The following CNBD1 variants were observed in gnomAD, a reference collection of about 807,000 sequenced individuals.
The protein encoded by CNBD1 is cyclic nucleotide-binding domain-containing protein 1.
Under a neutral mutation model 54.4 loss-of-function variants are expected in CNBD1, and 71 were observed. That is an observed-to-expected ratio of 1.30 (90% confidence interval 1.08 to 1.59). CNBD1 has a LOEUF of 1.59. CNBD1 is among the 40% of genes most tolerant of loss of function. CNBD1 has a pLI of 0.00. For synonymous variants in CNBD1, 182 were observed against 170.7 expected, an observed-to-expected ratio of 1.07 and a Z score of -0.51; for missense variants, 659 against 518.0, an observed-to-expected ratio of 1.27 and a Z score of -2.64.
chr8:87,381,097 C>T (rs1470280394), intron 10 of CNBD1, among the ~76,000 whole-genome samples: 2 of 152,024 alleles, frequency 1.3e-5, no homozygotes, highest in Admixed American at 1.3e-4. Context: ...AGAGCAAAGG[C>T]AACCTATAGA....
Position 87,286,628 on chromosome 8 carries a change from G to A in CNBD1, c.999G>A (p.Glu333=), listed in dbSNP as rs1808706690. 1 of 1,533,970 alleles carries A rather than the reference G, an allele frequency of 6.5e-7. No homozygotes were observed. The highest frequency in any genetic ancestry group is 8.8e-7 in the Non-Finnish European group (1 of 1,130,944). Residue 333 remains glutamate, a synonymous_variant, in exon 8 of 11, where the codon GAG becomes GAA. Coordinates refer to ENST00000518476, the MANE Select transcript of CNBD1 (RefSeq NM_173538.3). ...AATGGCCTACTTTATCCATATATGA[G>A]CTAATTGCACTCCTTAAATGGAAAA... ...YEEWPTLSIY[E]LIALLKWKKF...
chr8:87,351,017 C>A (rs1335752793), intron 8 of CNBD1, among the ~76,000 whole-genome samples: 1 of 152,054 alleles, frequency 6.6e-6, no homozygotes, highest in Non-Finnish European at 1.5e-5. Flanking sequence ...TTGTGTTATA[C>A]TGTGTACCAG....
chr8:86,944,104 C>A (rs1326553547), intron 4 of CNBD1, among the ~76,000 whole-genome samples: 1 of 151,958 alleles, frequency 6.6e-6, no homozygotes, highest in East Asian at 1.9e-4. Flanking sequence ...ATGCAATTGG[C>A]AAAGGGGCAG....
intron 2 of CNBD1, among the ~76,000 whole-genome samples, chr8:87,401,966 T>C (rs1232962000): frequency 6.6e-6 from 1 of 151,942 alleles, no homozygotes; most frequent in African/African-American, 2.4e-5. Context: ...GAAGGTGTAT[T>C]AGTTCATTTT....
At chr8:87,383,828 C>T (rs1214277315), downstream of CNBD1, among the ~76,000 whole-genome samples, 2 of 152,074 alleles carry the variant, frequency 1.3e-5, no homozygotes, top group Non-Finnish European at 2.9e-5. Context: ...TCTCCAGCAC[C>T]ATGCTCCAAA....
intron 6 of CNBD1, among the ~76,000 whole-genome samples, chr8:87,238,051 G>C (rs939014512): frequency 6.6e-6 from 1 of 151,690 alleles, no homozygotes; most frequent in Non-Finnish European, 1.5e-5. Flanking sequence ...GCTGTAATTA[G>C]GGCTTCAAAG....
chr8:87,066,264 T>A (rs1810651984), intron 4 of CNBD1, among the ~76,000 whole-genome samples: 6 of 151,966 alleles, frequency 3.9e-5, no homozygotes, highest in Admixed American at 3.3e-4. Flanking sequence ...GAAACAAAGA[T>A]GAACTGGAAT....
At chr8:87,424,209 A>T (rs938422222) in intron 2 of CNBD1, among the ~76,000 whole-genome samples, 2 of 151,574 alleles carry the variant, frequency 1.3e-5, no homozygotes, top group Non-Finnish European at 2.9e-5. Context: ...TATTTTGTTG[A>T]TCCTTTCAAA....
intron 4 of CNBD1, among the ~76,000 whole-genome samples, chr8:87,039,998 T>A (rs1420439350): frequency 6.6e-6 from 1 of 152,208 alleles, no homozygotes; most frequent in Non-Finnish European, 1.5e-5. Flanking sequence ...ATCCATCAAA[T>A]ACAGGGTCTG....
At chr8:87,265,404 C>G (rs1054199385) in intron 6 of CNBD1, among the ~76,000 whole-genome samples, 1 of 152,034 alleles carries the variant, frequency 6.6e-6, no homozygotes, top group Non-Finnish European at 1.5e-5. Flanking sequence ...GTTACTGTAG[C>G]CTTGTAGTGT....
intron 4 of CNBD1, among the ~76,000 whole-genome samples, chr8:86,994,161 A>G (rs1808816731): frequency 6.6e-6 from 1 of 152,178 alleles, no homozygotes; most frequent in Admixed American, 6.5e-5. Context: ...CATTCCCAAG[A>G]TGCCTGTCAC....
At chr8:87,282,416 T>C (rs1711529478) in intron 6 of CNBD1, among the ~76,000 whole-genome samples, 1 of 151,712 alleles carries the variant, frequency 6.6e-6, no homozygotes. Flanking sequence ...ATTCATCTTT[T>C]AGTCATTTGT....
intron 10 of CNBD1, among the ~76,000 whole-genome samples, chr8:87,357,826 C>G (rs1298114392): frequency 6.6e-6 from 1 of 152,108 alleles, no homozygotes; most frequent in Non-Finnish European, 1.5e-5. Flanking sequence ...CCCTCCAAAT[C>G]TCAGGTTGAA....
intron 4 of CNBD1, among the ~76,000 whole-genome samples, chr8:87,149,984 G>A (rs1483979575): frequency 6.6e-6 from 1 of 152,014 alleles, no homozygotes; most frequent in Non-Finnish European, 1.5e-5. Context: ...GACCATCCTG[G>A]CTAATACGGT....
intron 6 of CNBD1, among the ~76,000 whole-genome samples, chr8:87,277,062 T>C (rs1296390332): frequency 6.9e-6 from 1 of 144,458 alleles, no homozygotes; most frequent in Non-Finnish European, 1.5e-5. Context: ...TGAATCATGA[T>C]GGGTCATTTA....
At chr8:87,317,557 A>G (rs556764909) in intron 8 of CNBD1, among the ~76,000 whole-genome samples, 3 of 151,828 alleles carry the variant, frequency 2.0e-5, no homozygotes, top group South Asian at 2.1e-4. Context: ...GTATTTTTAT[A>G]CATTTTTTCA....
intron 2 of CNBD1, among the ~76,000 whole-genome samples, chr8:86,896,084 A>G (rs191642842): frequency 4.7e-4 from 71 of 152,110 alleles, no homozygotes; most frequent in Non-Finnish European, 7.5e-4. Flanking sequence ...TGTGTATGGC[A>G]TAAGATAGGG....
At chr8:87,358,618 A>T (rs753338087) in intron 10 of CNBD1, among the ~76,000 whole-genome samples, 4 of 152,178 alleles carry the variant, frequency 2.6e-5, no homozygotes, top group African/African-American at 2.4e-5. Context: ...GCGATCTATT[A>T]TGGGGATTGG....
intron 4 of CNBD1, among the ~76,000 whole-genome samples, chr8:87,137,216 A>G (rs1384732336): frequency 3.5e-5 from 5 of 144,400 alleles, no homozygotes; most frequent in African/African-American, 1.3e-4. Context: ...TTATATTTAT[A>G]TTCTATATAA....
Sources: allele counts gnomAD v4.1 joint callset (sites outside exome capture counted in the v4.1 genomes callset), GRCh38; gene constraint gnomAD v4.1.1; transcripts MANE v1.5; gene names NCBI Gene and HGNC (gene_info 2026-07-23, HGNC 2026-07-21).